The following RFX7 variants were observed in gnomAD, a reference collection of about 807,000 sequenced individuals.
RFX7 encodes the protein DNA-binding protein RFX7.
Under a neutral mutation model 111.8 loss-of-function variants are expected in RFX7, and 26 were observed. The ratio of observed to expected loss-of-function variants is 0.23; its 90% CI spans 0.17 to 0.32. The LOEUF is 0.32. Among genes scored for constraint, RFX7 ranks in the 10% least tolerant of loss-of-function variants. RFX7 has a pLI of 1.00. For missense variants in RFX7, 1,573 were observed against 1,772.9 expected (o/e 0.89, Z 2.02); for synonymous variants, 624 against 624.4 (o/e 1.00, Z 0.01).
At chr15:56,149,061 C>T (rs558141143) in intron 3 of RFX7, among the ~76,000 whole-genome samples, 43 of 143,494 alleles carry the variant, frequency 3.0e-4, no homozygotes, top group African/African-American at 9.7e-4. Context: ...CCAGCCTCAG[C>T]GACAGAGCGA....
At chr15:56,120,994 T>C (rs2042071124) in intron 5 of RFX7, among the ~76,000 whole-genome samples, 1 of 152,212 alleles carries the variant, frequency 6.6e-6, no homozygotes, top group Admixed American at 6.5e-5. Context: ...AGTTCATCTA[T>C]TAGTCTTCCT....
intron 5 of RFX7, among the ~76,000 whole-genome samples, chr15:56,122,419 G>T (rs1391810694): frequency 1.3e-5 from 2 of 152,176 alleles, no homozygotes; most frequent in African/African-American, 4.8e-5. Flanking sequence ...GCCTGGAGCT[G>T]GGGGAGTGGT....
rs1436824560 is a variant in RFX7 at position 56,089,898 on chromosome 15, A to G, written c.*3447T>C. On this transcript the variant is annotated 3_prime_UTR_variant, in exon 10 of 10. Transcript: ENST00000559447. The stretch of plus-strand genomic sequence containing the variant: ...TAGTGGAACTATCACAGATCTACAA[A>G]GATCTATGTAAACAGAGGAGTAGGC... 1 of 152,160 alleles carries G rather than the reference A, an allele frequency of 6.6e-6. No individual in the cohort carries two copies. Among genetic ancestry groups the G allele is most frequent in the Non-Finnish European group, 1.5e-5 (1 of 68,028 alleles). 9.4% of individuals were successfully genotyped at this position (152,160 alleles called of 1,614,324 possible). A position where few individuals can be genotyped will look rare whatever the true frequency, so the allele number is the denominator to read the frequency against.
chr15:56,233,319 C>T (rs2043588845), intron 2 of RFX7, among the ~76,000 whole-genome samples: 1 of 152,134 alleles, frequency 6.6e-6, no homozygotes, highest in African/African-American at 2.4e-5. Context: ...ATAAAACCAT[C>T]AGATCTCATT....
Position 56,094,863 on chromosome 15 carries a change from A to T in RFX7, c.2865T>A (p.Thr955=), listed in dbSNP as rs759702727. 6.0e-5 allele frequency: 94 copies of T among 1,553,936 alleles called. 1 individual carries two copies. In the South Asian group the frequency reaches 7.6e-4, roughly 13 times the overall value. ...GGGTTGGGGTTGGGGTTGGAGTAGG[A>T]GTGGGTGTGGGTGTGGGTGTGGGTG... ...IHTPTPTPTP[T]PTPTPTPTPT... is the part of the protein sequence containing the mutation. Residue 955 remains threonine, a synonymous_variant, in exon 10 of 10, where the codon ACT becomes ACA. Coordinates refer to ENST00000559447, the MANE Select transcript of RFX7 (RefSeq NM_022841.7).
At chr15:56,189,283 A>G (rs2043076273) in intron 2 of RFX7, among the ~76,000 whole-genome samples, 1 of 152,070 alleles carries the variant, frequency 6.6e-6, no homozygotes, top group Non-Finnish European at 1.5e-5. Context: ...AGCTACTTGG[A>G]GGCTGAGAAT....
intron 5 of RFX7, among the ~76,000 whole-genome samples, chr15:56,116,552 T>C (rs2042011093): frequency 6.6e-6 from 1 of 152,146 alleles, no homozygotes; most frequent in African/African-American, 2.4e-5. Context: ...ATGAGTGAGA[T>C]GTAGTTACCT....
chr15:56,207,050 AC>A (rs377693509), intron 2 of RFX7, among the ~76,000 whole-genome samples: 36 of 152,262 alleles, frequency 2.4e-4, no homozygotes, highest in Middle Eastern at 3.4e-3. Context: ...GATGATGGAT[AC>A]CCCATTTACT....
chr15:56,145,999 T>C (rs2042462964), intron 3 of RFX7, among the ~76,000 whole-genome samples: 1 of 152,216 alleles, frequency 6.6e-6, no homozygotes, highest in African/African-American at 2.4e-5. Flanking sequence ...TAATGAACTT[T>C]TAATGACACT....
intron 2 of RFX7, among the ~76,000 whole-genome samples, chr15:56,238,270 CAA>C (rs778594418): frequency 3.8e-4 from 58 of 152,224 alleles, no homozygotes; most frequent in Admixed American, 1.2e-3. Flanking sequence ...AAGATGGAAA[CAA>C]GAGATTAATC....
In RFX7 at chr15:56,153,429, C is replaced by A. The variant is rs555810151; in HGVS notation, c.196-8946G>T. Among the ~76,000 whole-genome samples the A allele has an allele frequency of 1.3e-4, 20 of 152,272 alleles. No homozygotes were observed. In the East Asian group the frequency reaches 3.7e-3, roughly 28 times the overall value. Reference sequence around the variant, plus strand: ...CCATACACAAATCAATATACATAATCCATTCACATAAATCCAATCCACATA... The same window carrying A: ...CCATACACAAATCAATATACATAATACATTCACATAAATCCAATCCACATA... On this transcript the variant is annotated intron_variant, in intron 3 of 9. Transcript: ENST00000559447.
At chr15:56,177,201 G>A (rs1272167872) in intron 3 of RFX7, among the ~76,000 whole-genome samples, 1 of 152,082 alleles carries the variant, frequency 6.6e-6, no homozygotes. Flanking sequence ...AGGAGATCAT[G>A]ACTCAAGCTG....
chr15:56,121,881 C>G (rs999550541), intron 5 of RFX7, among the ~76,000 whole-genome samples: 2 of 152,118 alleles, frequency 1.3e-5, no homozygotes, highest in African/African-American at 4.8e-5. Flanking sequence ...ATTATTCAAT[C>G]TCTGTTAAAT....
chr15:56,225,553 A>G (rs1271864396), intron 2 of RFX7, among the ~76,000 whole-genome samples: 1 of 152,184 alleles, frequency 6.6e-6, no homozygotes, highest in African/African-American at 2.4e-5. Flanking sequence ...AAATGTAGGT[A>G]ATTCACAACA....
In RFX7 at chr15:56,233,283, G is replaced by C. The variant is rs369893810; in HGVS notation, c.161+9842C>G. Among the ~76,000 whole-genome samples the C allele has an allele frequency of 2.2e-4, 33 of 152,328 alleles. No homozygotes were observed. The East Asian group carries it at 5.4e-3, about 25-fold the overall frequency. On this transcript the variant is annotated intron_variant, in intron 2 of 9. Coordinates refer to ENST00000559447, the MANE Select transcript of RFX7 (RefSeq NM_022841.7). ...TGGCAGCAGACAAGAGAGAAAGAGA[G>C]AGCTAAGTGAAAGAAGTTTCCCTTT...
At position 56,091,151 on chromosome 15, in the gene RFX7, T is replaced by C. The variant is rs2041591624; in HGVS notation, c.*2194A>G. ...CATGGTGAAGCAAACTAAACTTAAT[T>C]CTTCCTGCTGTAATATTCTCATGTA... is the stretch of plus-strand genomic sequence containing the variant. On this transcript the variant is annotated 3_prime_UTR_variant, in exon 10 of 10. Transcript: ENST00000559447. 6.6e-6 allele frequency: 1 copy of C among 152,560 alleles called. No homozygotes were observed. The highest frequency in any genetic ancestry group is 6.6e-5 in the Admixed American group (1 of 15,260). The allele number at this position is 152,560 out of a possible 1,614,324, so 9.5% of individuals were successfully genotyped here. A position where few individuals can be genotyped will look rare whatever the true frequency, so the allele number is the denominator to read the frequency against.
rs1431102228 is a variant in RFX7, at chr15:56,090,544, T to C, written c.*2801A>G. On this transcript the variant is annotated 3_prime_UTR_variant, in exon 10 of 10. Transcript: ENST00000559447. ...ACCTTCAGATCCAGTCAGTTTAATA[T>C]AAAATGTTTTTAATTGTTTTTGAAA... 6.6e-6 allele frequency: 1 copy of C among 152,648 alleles called. No individual in the cohort carries two copies. The highest frequency in any genetic ancestry group is 2.4e-5 in the African/African-American group (1 of 41,466). 9.5% of individuals were successfully genotyped at this position (152,648 alleles called of 1,614,324 possible).
chr15:56,240,375 T>C (rs2141246674), intron 2 of RFX7, among the ~76,000 whole-genome samples: 1 of 152,286 alleles, frequency 6.6e-6, no homozygotes, highest in East Asian at 1.9e-4. Flanking sequence ...GTACTAACCT[T>C]ATTTTCTATA....
At chr15:56,185,594 A>G (rs1444743584) in intron 2 of RFX7, among the ~76,000 whole-genome samples, 3 of 152,122 alleles carry the variant, frequency 2.0e-5, no homozygotes, top group Non-Finnish European at 4.4e-5. Context: ...TATAAATAAG[A>G]CTATAATTTT....
Sources: allele counts gnomAD v4.1 joint callset (sites outside exome capture counted in the v4.1 genomes callset), GRCh38; gene constraint gnomAD v4.1.1; transcripts MANE v1.5; gene names NCBI Gene and HGNC (gene_info 2026-07-23, HGNC 2026-07-21).